The following SMC1A variants were observed in gnomAD, a reference collection of about 807,000 sequenced individuals.
SMC1A encodes structural maintenance of chromosomes protein 1A.
Under a neutral mutation model 94.5 loss-of-function variants are expected in SMC1A, and 4 were observed. The ratio of observed to expected loss-of-function variants is 0.04; its 90% confidence interval spans 0.02 to 0.10. The LOEUF (loss-of-function observed/expected upper bound fraction) is 0.10, where lower values mean the gene tolerates loss of function less well. Ranked by LOEUF, SMC1A falls within the 10% of genes least tolerant of loss-of-function variation. SMC1A has a pLI of 1.00. For missense variants in SMC1A, 304 were observed against 989.0 expected (o/e 0.31, Z 9.29); for synonymous variants, 345 against 347.7 (o/e 0.99, Z 0.09).
chrX:53,387,701 T>A (rs1023451867), intron 19 of SMC1A, among the ~76,000 whole-genome samples: 1 of 111,156 alleles, frequency 9.0e-6, no homozygotes, highest in East Asian at 2.8e-4. Flanking sequence ...TCTGGACATA[T>A]TGGAAAGCAA....
intron 1 of SMC1A, among the ~76,000 whole-genome samples, chrX:53,418,995 C>T (rs1275574527): frequency 1.0e-5 from 1 of 97,566 alleles, no homozygotes; most frequent in Non-Finnish European, 2.0e-5. Context: ...GAGCTGAGAT[C>T]GCGCCACTGC....
At chrX:53,395,602 T>C (rs1229821005) in intron 18 of SMC1A, among the ~76,000 whole-genome samples, 1 of 111,989 alleles carries the variant, frequency 8.9e-6, no homozygotes, top group African/African-American at 3.2e-5. Flanking sequence ...GAAAGATACA[T>C]GGGACTGAGA....
intron 19 of SMC1A, among the ~76,000 whole-genome samples, chrX:53,391,153 A>C (rs1485465944): frequency 9.2e-6 from 1 of 109,111 alleles, no homozygotes; most frequent in Non-Finnish European, 1.9e-5. Flanking sequence ...GTCTCTACTA[A>C]AAATAAAAAA....
chrX:53,384,938 T>C (rs1181163074), intron 19 of SMC1A, among the ~76,000 whole-genome samples: 2 of 108,945 alleles, frequency 1.8e-5, no homozygotes, highest in African/African-American at 3.3e-5. Context: ...GTGCAAGACC[T>C]TGTCTCAAAA....
intron 16 of SMC1A, among the ~76,000 whole-genome samples, chrX:53,399,294 G>A (rs1315051203): frequency 1.8e-5 from 2 of 112,328 alleles, no homozygotes; most frequent in Non-Finnish European, 3.8e-5. Flanking sequence ...TGAGCATTGT[G>A]TCTTCTGTTT....
intron 23 of SMC1A, 25 bp from the exon 24 acceptor site, chrX:53,380,755 T>C (rs181086310): frequency 6.9e-5 from 73 of 1,055,936 alleles, no homozygotes; most frequent in Non-Finnish European, 9.3e-5. Flanking sequence ...GCCAGGCACT[T>C]AGCAAGGCTC....
intron 19 of SMC1A, 45 bp downstream of exon 19, chrX:53,394,733 C>A: frequency 6.6e-6 from 3 of 452,620 alleles, no homozygotes; most frequent in East Asian, 4.3e-5. Context: ...AGTCCCACTC[C>A]CACCCAACCC....
chrX:53,413,405 G>T lies in SMC1A; in HGVS notation c.442C>A (p.Pro148Thr). Residue 148 changes from proline (P) to threonine (T), a missense_variant, in exon 4 of 25, where the codon CCC becomes ACC. Pro to Thr is a conservative substitution (Grantham distance 38). Around this residue, in one of 11 missense-constraint regions of SMC1A, gnomAD observed 120 missense variants for 314.9 expected, o/e 0.38. Coordinates refer to ENST00000322213, the MANE Select transcript of SMC1A (RefSeq NM_006306.4). ...GAVESIAMKN[P>T]KERTALFEEI... The stretch of plus-strand genomic sequence containing the variant: ...TCAAATAGAGCTGTCCTCTCTTTGG[G>T]GTTCTTCATGGCAATAGATTCCACA... 1 of 1,210,651 alleles carries T rather than the reference G, an allele frequency of 8.3e-7. No individual in the cohort carries two copies. The highest frequency in any genetic ancestry group is 1.1e-6 in the Non-Finnish European group (1 of 895,003).
intron 1 of SMC1A, among the ~76,000 whole-genome samples, chrX:53,416,800 T>TAAAA (rs1386922636): frequency 1.8e-5 from 2 of 111,481 alleles, no homozygotes; most frequent in Non-Finnish European, 3.8e-5. Flanking sequence ...ACTGCACACT[T>TAAAA]AAAAATGGTT....
chrX:53,384,495 C>A (rs2075597189), intron 19 of SMC1A, among the ~76,000 whole-genome samples: 1 of 110,516 alleles, frequency 9.0e-6, no homozygotes, highest in African/African-American at 3.3e-5. Flanking sequence ...AATTCCTGAG[C>A]TCAACTGATC....
At chrX:53,385,042 CG>C (rs781897477) in intron 19 of SMC1A, among the ~76,000 whole-genome samples, 1 of 109,116 alleles carries the variant, frequency 9.2e-6, no homozygotes, top group African/African-American at 3.3e-5. Flanking sequence ...TATGTGCATG[CG>C]TACAAGTGTG....
rs2146604554 is a variant in SMC1A, at chrX:53,411,744, T to C, written c.1254+17A>G. The stretch of plus-strand genomic sequence containing the variant: ...TTTCTGTGGACCATCATCCCTAATC[T>C]TATAACTATAGCCCACCTCTGTCTC... On this transcript the variant is annotated intron_variant, in intron 7 of 24. Transcript: ENST00000322213. The C allele has an allele frequency of 1.7e-6, 2 of 1,209,528 alleles. No homozygotes were observed. Among genetic ancestry groups the C allele is most frequent in the Non-Finnish European group, 2.2e-6 (2 of 893,389 alleles).
intron 1 of SMC1A, among the ~76,000 whole-genome samples, chrX:53,421,368 G>A (rs2075754879): frequency 8.9e-6 from 1 of 112,139 alleles, no homozygotes; most frequent in Admixed American, 9.5e-5. Context: ...CCACAGCAAA[G>A]GATTATCTCG....
At chrX:53,422,414 G>A in intron 1 of SMC1A, 78 bp downstream of exon 1, 1 of 701,677 alleles carries the variant, frequency 1.4e-6, no homozygotes, top group Non-Finnish European at 2.3e-6. Context: ...GGTTACATGG[G>A]CTGGGTTGTA....
intron 23 of SMC1A, 58 bp downstream of exon 23, chrX:53,380,960 T>G: frequency 9.5e-7 from 1 of 1,054,689 alleles, no homozygotes; most frequent in Non-Finnish European, 1.3e-6. Flanking sequence ...AGTTGCTCCC[T>G]GAAACCCAAC....
chrX:53,380,750 G>A lies in SMC1A; in HGVS notation c.3508-20C>T, dbSNP rs781785288. 15 of 1,095,101 alleles carry A rather than the reference G, an allele frequency of 1.4e-5. No homozygotes were observed. In the East Asian group the frequency reaches 3.9e-4, roughly 28 times the overall value. 90.2% of individuals were successfully genotyped at this position (1,095,101 alleles called of 1,213,427 possible). A position where few individuals can be genotyped will look rare whatever the true frequency, so the allele number is the denominator to read the frequency against. On this transcript the variant is annotated intron_variant, in intron 23 of 24. Coordinates refer to ENST00000322213, the MANE Select transcript of SMC1A (RefSeq NM_006306.4). ...TGCCACCTGTGGGAAAGGCCGCCAG[G>A]CACTTAGCAAGGCTCAAACCTTAAC...
At chrX:53,421,825 T>A in intron 1 of SMC1A, 2 of 1,075,519 alleles carry the variant, frequency 1.9e-6, no homozygotes, top group South Asian at 4.0e-5. Flanking sequence ...TTCAACAAAT[T>A]TGGTAAATTA....
rs1328305844 is a variant in SMC1A at position 53,377,253 on chromosome X, A to C, written c.*2850T>G. ...TGGATCCTCAGGACTTAAGTCCCCA[A>C]AGCTCCTTTGTAGCACATGTGTTCC... is the stretch of plus-strand genomic sequence containing the variant. On this transcript the variant is annotated 3_prime_UTR_variant, in exon 25 of 25. Transcript: ENST00000322213. The C allele has an allele frequency of 8.9e-6, 1 of 112,113 alleles. No homozygotes were observed. Among genetic ancestry groups the C allele is most frequent in the Non-Finnish European group, 1.9e-5 (1 of 53,142 alleles). The allele number at this position is 112,113 out of a possible 1,213,427, so 9.2% of individuals were successfully genotyped here.
intron 22 of SMC1A, among the ~76,000 whole-genome samples, chrX:53,381,527 C>A (rs1556885892): frequency 8.9e-6 from 1 of 112,141 alleles, no homozygotes; most frequent in Non-Finnish European, 1.9e-5. Flanking sequence ...TCCTTTACAT[C>A]TCCTGCTCAA....
Sources: gnomAD v4.1 joint callset for allele counts (sites outside exome capture counted in the v4.1 genomes callset) on GRCh38, gnomAD v4.1.1 for gene constraint, gnomAD v4.1.1 regional missense constraint, MANE v1.5 for transcripts, NCBI Gene and HGNC (gene_info 2026-07-23, HGNC 2026-07-21) for gene names.